Variants in DPY19L4 observed in about 807,000 individuals in gnomAD.
DPY19L4 encodes the protein dpy-19 like 4.
Under a neutral mutation model 102.8 loss-of-function variants are expected in DPY19L4, and 97 were observed. That is an observed-to-expected ratio of 0.94 (90% CI 0.80 to 1.12). DPY19L4 has a LOEUF of 1.12. Among genes scored for constraint, DPY19L4 ranks in the 50% most tolerant of loss-of-function variants. The pLI, the probability that DPY19L4 is intolerant of heterozygous loss-of-function variation, is 0.00. For synonymous variants in DPY19L4, 252 were observed against 283.1 expected, an observed-to-expected ratio of 0.89 and a Z score of 1.10; for missense variants, 815 against 850.4, an observed-to-expected ratio of 0.96 and a Z score of 0.52.
intron 8 of DPY19L4, among the ~76,000 whole-genome samples, chr8:94,763,522 T>C (rs922533370): frequency 6.7e-6 from 1 of 149,440 alleles, no homozygotes; most frequent in African/African-American, 2.5e-5. Flanking sequence ...TCTTTTCTTT[T>C]TTTTTTTTCT....
At position 94,746,054 on chromosome 8, in the gene DPY19L4, ATTT is replaced by A. The variant is rs35095979; in HGVS notation, c.611+6287_611+6289del. ...CAGGCGTGAGCCACCATGCCTGGCC[ATTT>A]TTTTTTTTTTTTTTTTTTTTTTCAG... On this transcript the variant is annotated intron_variant, in intron 6 of 18. Coordinates refer to ENST00000414645, the MANE Select transcript of DPY19L4 (RefSeq NM_181787.3). Among the ~76,000 whole-genome samples the A allele has an allele frequency of 4.5e-3, 301 of 67,086 alleles. 1 individual carries two copies. Among genetic ancestry groups the A allele is most frequent in the East Asian group, 0.021 (50 of 2,372 alleles). The allele number at this position is 67,086 out of a possible 152,430, so 44.0% of individuals were successfully genotyped here.
chr8:94,779,632 C>G (rs892620270), intron 14 of DPY19L4, among the ~76,000 whole-genome samples: 3 of 152,138 alleles, frequency 2.0e-5, no homozygotes, highest in Non-Finnish European at 4.4e-5. Context: ...CAGCCATGCC[C>G]AGGTTTTTCT....
chr8:94,724,019 AC>A (rs1810584426), intron 1 of DPY19L4, among the ~76,000 whole-genome samples: 1 of 152,218 alleles, frequency 6.6e-6, no homozygotes, highest in Non-Finnish European at 1.5e-5. Flanking sequence ...CACAAAGAGA[AC>A]ATGTTTAATT....
chr8:94,725,404 A>C (rs1810643996), intron 1 of DPY19L4, among the ~76,000 whole-genome samples: 2 of 152,226 alleles, frequency 1.3e-5, no homozygotes, highest in African/African-American at 2.4e-5. Flanking sequence ...ACTAGTTTGG[A>C]GGTAACTTCT....
chr8:94,730,334 G>T (rs1810889707), intron 2 of DPY19L4, among the ~76,000 whole-genome samples: 1 of 152,128 alleles, frequency 6.6e-6, no homozygotes, highest in African/African-American at 2.4e-5. Context: ...TAAAATGGTT[G>T]TATTTTAAGA....
chr8:94,741,738 G>A (rs181147384), intron 6 of DPY19L4, among the ~76,000 whole-genome samples: 1 of 152,286 alleles, frequency 6.6e-6, no homozygotes, highest in East Asian at 1.9e-4. Flanking sequence ...TACCTTTCAG[G>A]CCGGCTCCTG....
In DPY19L4 at chr8:94,719,960, G is replaced by T. The variant is rs1205896166; in HGVS notation, c.-39G>T. 28 of 1,505,690 alleles carry T rather than the reference G, an allele frequency of 1.9e-5. No homozygotes were observed. The highest frequency in any genetic ancestry group is 2.5e-5 in the Non-Finnish European group (28 of 1,127,498). The allele number at this position is 1,505,690 out of a possible 1,614,324, so 93.3% of individuals were successfully genotyped here. ...CGCGGAGGGAGGGAGAGTCTGGGCC[G>T]CGCGGGAGCCGCAGGGCGCCCTAGC... On this transcript the variant is annotated 5_prime_UTR_variant, in exon 1 of 19. Transcript: ENST00000414645.
Position 94,755,990 on chromosome 8 carries a change from C to A in DPY19L4, c.612-46C>A, listed in dbSNP as rs369859623. 4.5e-6 allele frequency: 7 copies of A among 1,557,926 alleles called. No homozygotes were observed. The African/African-American group carries it at 8.2e-5, about 18-fold the overall frequency. On this transcript the variant is annotated intron_variant, in intron 6 of 18. Coordinates refer to ENST00000414645, the MANE Select transcript of DPY19L4 (RefSeq NM_181787.3). ...GTACTTTGAAAAGTATAGTGTAACACAAATATAATGTCTTATTTTTACTGT... is the reference window on the plus strand; with the variant it reads ...GTACTTTGAAAAGTATAGTGTAACAAAAATATAATGTCTTATTTTTACTGT...
intron 14 of DPY19L4, among the ~76,000 whole-genome samples, chr8:94,779,743 G>A (rs1813348734): frequency 1.3e-5 from 2 of 152,176 alleles, no homozygotes; most frequent in African/African-American, 4.8e-5. Context: ...GGGAAATGAG[G>A]AAGAGGGAGA....
intron 7 of DPY19L4, among the ~76,000 whole-genome samples, chr8:94,756,512 A>G (rs1812169514): frequency 6.6e-6 from 1 of 152,230 alleles, no homozygotes; most frequent in Non-Finnish European, 1.5e-5. Flanking sequence ...TATATTAAAC[A>G]AGATGTAAAG....
chr8:94,773,689 C>T (rs1162373430), intron 13 of DPY19L4, among the ~76,000 whole-genome samples: 2 of 151,940 alleles, frequency 1.3e-5, no homozygotes, highest in Non-Finnish European at 2.9e-5. Context: ...CTCAGCCTCC[C>T]AAAGTGCTAG....
At chr8:94,783,864 C>A in intron 17 of DPY19L4, 62 bp downstream of exon 17, 1 of 1,574,728 alleles carries the variant, frequency 6.4e-7, no homozygotes, top group South Asian at 1.2e-5. Context: ...TTAGCATAGT[C>A]TGCAGTATAC....
chr8:94,762,538 A>G (rs4574819), intron 8 of DPY19L4, among the ~76,000 whole-genome samples: 45,682 of 152,038 alleles, frequency 0.3, 7,840 homozygotes, highest in African/African-American at 0.48. Context: ...AGGATAGAAA[A>G]GGGAGTTTGG....
chr8:94,753,870 T>G (rs1024104281), intron 6 of DPY19L4, among the ~76,000 whole-genome samples: 3 of 151,684 alleles, frequency 2.0e-5, no homozygotes, highest in African/African-American at 7.3e-5. Flanking sequence ...AAGACTCCGT[T>G]TCAAAAAAAG....
At chr8:94,780,834 T>C (rs781599771) in intron 15 of DPY19L4, among the ~76,000 whole-genome samples, 13 of 152,146 alleles carry the variant, frequency 8.5e-5, no homozygotes, top group Non-Finnish European at 1.5e-4. Flanking sequence ...TTGGTAATGA[T>C]AAAATTATTT....
At chr8:94,762,780 G>T (rs1026838864) in intron 8 of DPY19L4, among the ~76,000 whole-genome samples, 2 of 151,914 alleles carry the variant, frequency 1.3e-5, no homozygotes, top group Non-Finnish European at 2.9e-5. Flanking sequence ...GGGCTGAGGC[G>T]GGAGGATCAC....
chr8:94,720,876 CACA>C (rs982826111), intron 1 of DPY19L4, among the ~76,000 whole-genome samples: 1 of 151,968 alleles, frequency 6.6e-6, no homozygotes, highest in Non-Finnish European at 1.5e-5. Context: ...TGGTGGAAAA[CACA>C]ACTTTTTACC....
chr8:94,788,637 ACG>A (rs773310154), intron 18 of DPY19L4, among the ~76,000 whole-genome samples: 4 of 84,854 alleles, frequency 4.7e-5, no homozygotes, highest in Non-Finnish European at 5.2e-5. Context: ...CCTAAGACTG[ACG>A]CACGCGCGCG....
chr8:94,734,695 A>T lies in DPY19L4; in HGVS notation c.193A>T (p.Met65Leu), dbSNP rs372607857. 1 of 1,614,056 alleles carries T rather than the reference A, an allele frequency of 6.2e-7. No individual in the cohort carries two copies. ...GCLAAVTSGM[M>L]YALYLSAYHE... Reference sequence around the variant, plus strand: ...TCTTGCAGCGGTTACTAGTGGTATGATGTATGCTCTCTACTTATCAGCATA... The same window carrying T: ...TCTTGCAGCGGTTACTAGTGGTATGTTGTATGCTCTCTACTTATCAGCATA... Residue 65 changes from methionine to leucine, a missense_variant, in exon 3 of 19, where the codon ATG (methionine) becomes TTG (leucine). Met to Leu is a conservative substitution (Grantham distance 15). Coordinates refer to ENST00000414645, the MANE Select transcript of DPY19L4 (RefSeq NM_181787.3).
Sources: allele counts gnomAD v4.1 joint callset (sites outside exome capture counted in the v4.1 genomes callset), GRCh38; gene constraint gnomAD v4.1.1; transcripts MANE v1.5; gene names NCBI Gene and HGNC (gene_info 2026-07-23, HGNC 2026-07-21).